PRKD1: variants seen among roughly 807,000 people sequenced by gnomAD.
PRKD1 encodes the protein serine/threonine-protein kinase D1.
PRKD1 carries 63 observed loss-of-function variants against 95.9 expected under a neutral mutation model. That is an observed-to-expected ratio of 0.66 (90% confidence interval 0.54 to 0.81). The LOEUF is 0.81. Ranked by LOEUF, PRKD1 falls within the 30% of genes least tolerant of loss-of-function variation. PRKD1 has a pLI of 0.00. For synonymous variants in PRKD1, 425 were observed against 423.1 expected (o/e 1.00, Z -0.05); for missense variants, 1,048 against 1,165.3 (o/e 0.90, Z 1.47).
chr14:29,632,297 T>G (rs1200121452), intron 9 of PRKD1, among the ~76,000 whole-genome samples: 1 of 152,112 alleles, frequency 6.6e-6, no homozygotes, highest in Non-Finnish European at 1.5e-5. Context: ...GAGTCTGCAT[T>G]CATTTTGAAG....
intron 2 of PRKD1, among the ~76,000 whole-genome samples, chr14:29,674,025 A>G (rs894841296): frequency 3.3e-5 from 5 of 152,276 alleles, no homozygotes; most frequent in Middle Eastern, 3.4e-3. Context: ...AGGAAGACAC[A>G]AAGTAACTAG....
At chr14:29,818,005 G>GA (rs1890761502) in intron 1 of PRKD1, among the ~76,000 whole-genome samples, 1 of 152,050 alleles carries the variant, frequency 6.6e-6, no homozygotes, top group Non-Finnish European at 1.5e-5. Context: ...AATGAAGAGA[G>GA]AAAAACAAAT....
At chr14:29,852,058 C>T (rs901377391) in intron 1 of PRKD1, among the ~76,000 whole-genome samples, 1 of 151,984 alleles carries the variant, frequency 6.6e-6, no homozygotes, top group Non-Finnish European at 1.5e-5. Context: ...AAGATAGGAA[C>T]AACAGACACT....
chr14:29,854,811 G>A (rs1892435748), intron 1 of PRKD1, among the ~76,000 whole-genome samples: 5 of 152,166 alleles, frequency 3.3e-5, no homozygotes, highest in Non-Finnish European at 1.5e-5. Flanking sequence ...GCAGCCTAGG[G>A]ACTTAGTGCC....
At chr14:29,636,784 T>C (rs73255510) in intron 6 of PRKD1, among the ~76,000 whole-genome samples, 5,009 of 152,196 alleles carry the variant, frequency 0.033, 250 homozygotes, top group African/African-American at 0.11. Flanking sequence ...CCTCCAACCT[T>C]GAAGGGACCC....
At chr14:29,704,261 A>G (rs1011496602) in intron 2 of PRKD1, among the ~76,000 whole-genome samples, 3 of 152,126 alleles carry the variant, frequency 2.0e-5, no homozygotes, top group Non-Finnish European at 2.9e-5. Context: ...ATAACCATAG[A>G]AAGGACCCAC....
At chr14:29,879,964 T>C (rs1205276750) in intron 1 of PRKD1, among the ~76,000 whole-genome samples, 2 of 152,156 alleles carry the variant, frequency 1.3e-5, no homozygotes, top group South Asian at 4.1e-4. Flanking sequence ...AACGTGCTGT[T>C]AAACACATTC....
At chr14:29,912,723 C>T (rs2139123761) in intron 1 of PRKD1, among the ~76,000 whole-genome samples, 1 of 152,296 alleles carries the variant, frequency 6.6e-6, no homozygotes, top group South Asian at 2.1e-4. Flanking sequence ...TAGTGTTCCT[C>T]CTTTTTTAGC....
intron 4 of PRKD1, among the ~76,000 whole-genome samples, 196 bp from the exon 5 acceptor site, chr14:29,639,100 A>G (rs945513631): frequency 6.6e-6 from 1 of 151,222 alleles, no homozygotes; most frequent in African/African-American, 2.5e-5. Context: ...TGCTTGTATA[A>G]TCTTAAAAAA....
At chr14:29,645,243 T>C (rs1881049146) in intron 4 of PRKD1, among the ~76,000 whole-genome samples, 1 of 152,150 alleles carries the variant, frequency 6.6e-6, no homozygotes, top group Non-Finnish European at 1.5e-5. Flanking sequence ...AAAAATGATA[T>C]GCAGGATATC....
At chr14:29,778,779 C>T (rs942748284) in intron 1 of PRKD1, among the ~76,000 whole-genome samples, 2 of 152,196 alleles carry the variant, frequency 1.3e-5, no homozygotes, top group South Asian at 2.1e-4. Flanking sequence ...TCCTCCCTAA[C>T]TCATTTTATG....
At chr14:29,830,803 T>C (rs949448019) in intron 1 of PRKD1, among the ~76,000 whole-genome samples, 1 of 151,912 alleles carries the variant, frequency 6.6e-6, no homozygotes, top group Non-Finnish European at 1.5e-5. Context: ...AGAGATCCTC[T>C]CACCATAGTC....
chr14:29,679,040 A>C (rs182617296), intron 2 of PRKD1, among the ~76,000 whole-genome samples: 8 of 152,374 alleles, frequency 5.3e-5, no homozygotes, highest in Admixed American at 5.2e-4. Flanking sequence ...ACTCTTTTTA[A>C]GTATTTGTCC....
rs1176648800 is a variant in PRKD1 at position 29,725,306 on chromosome 14, G to A, written c.403+230C>T. Among the ~76,000 whole-genome samples, 4 of 152,252 alleles carry A rather than the reference G, an allele frequency of 2.6e-5. No individual in the cohort carries two copies. In the East Asian group the frequency reaches 5.8e-4, roughly 22 times the overall value. On this transcript the variant is annotated intron_variant, in intron 2 of 17. Transcript: ENST00000331968. ...TGTTGCTAGAGGCTGAGAGGGGGCT[G>A]GGAGGAAGCCTTAAGTCAAGAGACG...
intron 1 of PRKD1, among the ~76,000 whole-genome samples, chr14:29,909,507 T>C (rs2139443307): frequency 6.6e-6 from 1 of 152,302 alleles, no homozygotes; most frequent in South Asian, 2.1e-4. Context: ...AACCTTTATG[T>C]CTAGCTAAGG....
At chr14:29,735,526 G>C (rs961629278) in intron 1 of PRKD1, among the ~76,000 whole-genome samples, 3 of 152,146 alleles carry the variant, frequency 2.0e-5, no homozygotes, top group African/African-American at 7.2e-5. Flanking sequence ...AATAGCTGGA[G>C]AGAAAGATGA....
intron 2 of PRKD1, among the ~76,000 whole-genome samples, chr14:29,678,103 T>C (rs1462954679): frequency 6.6e-6 from 1 of 152,188 alleles, no homozygotes; most frequent in Non-Finnish European, 1.5e-5. Flanking sequence ...ATAACTTACT[T>C]GGATATTTTA....
At chr14:29,723,652 T>G (rs1886006860) in intron 2 of PRKD1, among the ~76,000 whole-genome samples, 1 of 141,812 alleles carries the variant, frequency 7.1e-6, no homozygotes, top group Non-Finnish European at 1.5e-5. Context: ...GCAGGAGATC[T>G]AAACATAATT....
In PRKD1 at chr14:29,847,323, C is replaced by T. The variant is rs189455611; in HGVS notation, c.264+79926G>A. Among the ~76,000 whole-genome samples, 4 of 152,274 alleles carry T rather than the reference C, an allele frequency of 2.6e-5. No individual in the cohort carries two copies. In the East Asian group the frequency reaches 7.7e-4, roughly 29 times the overall value. On this transcript the variant is annotated intron_variant, in intron 1 of 17. Transcript: ENST00000331968. The stretch of plus-strand genomic sequence containing the variant: ...ACTCATCACTCAGCTGAGTAAGTGG[C>T]AGAGGTGAGATTTTCTGCCTCTTAT...
Sources: gnomAD v4.1 joint callset for allele counts (sites outside exome capture counted in the v4.1 genomes callset) on GRCh38, gnomAD v4.1.1 for gene constraint, MANE v1.5 for transcripts, NCBI Gene and HGNC (gene_info 2026-07-23, HGNC 2026-07-21) for gene names.